VWA5B2: variants seen among roughly 807,000 people sequenced by gnomAD.
The protein encoded by VWA5B2 is von Willebrand factor A domain-containing protein 5B2.
A neutral mutation model predicts 118.5 loss-of-function variants in VWA5B2; 93 were observed. That is an observed-to-expected ratio of 0.79 (90% CI 0.66 to 0.93). The LOEUF (loss-of-function observed/expected upper bound fraction) is 0.93, where lower values mean the gene tolerates loss of function less well. Ranked by LOEUF, VWA5B2 falls within the 40% of genes least tolerant of loss-of-function variation. The probability of loss-of-function intolerance (pLI) is 0.00; values close to 1 mark genes in which losing one functional copy is unlikely to be tolerated. For missense variants in VWA5B2, 1,546 were observed against 1,672.8 expected (o/e 0.92, Z 1.32); for synonymous variants, 708 against 716.3 (o/e 0.99, Z 0.19).
rs1717171841 is a variant in VWA5B2, at chr3:184,229,668, C to A, written c.-195C>A. 6.6e-6 allele frequency among the ~76,000 whole-genome samples: 1 copy of A among 152,148 alleles called. No homozygotes were observed. Among genetic ancestry groups the A allele is most frequent in the African/African-American group, 2.4e-5 (1 of 41,434 alleles). On this transcript the variant is annotated 5_prime_UTR_variant, in exon 1 of 20. Coordinates refer to ENST00000691901, the MANE Select transcript of VWA5B2 (RefSeq NM_001390846.1). ...ACCCGGAGCGCAGAGGCGGCACCAC[C>A]CACACGGATCCCGTGGGCACCTAGA...
chr3:184,240,112 A>G, intron 16 of VWA5B2, 76 bp downstream of exon 16: 1 of 1,156,574 alleles, frequency 8.6e-7, no homozygotes, highest in Non-Finnish European at 1.2e-6. Flanking sequence ...TGTGTGTTTG[A>G]TCACTCTCTA....
At chr3:184,230,336 AC>A (rs1717250682) in intron 1 of VWA5B2, 43 bp from the exon 2 acceptor site, 2 of 610,100 alleles carry the variant, frequency 3.3e-6, no homozygotes, top group African/African-American at 3.9e-5. Flanking sequence ...CCTCGCCACC[AC>A]GCCTGCCGCC....
intron 11 of VWA5B2, 116 bp downstream of exon 11, chr3:184,236,865 C>A: frequency 1.1e-6 from 1 of 875,166 alleles, no homozygotes. Flanking sequence ...CCTCACCAGG[C>A]CTTCTCCCCA....
chr3:184,242,029 G>GA lies in VWA5B2; in HGVS notation c.3722dup (p.Asn1241LysfsTer34). ...TACACCTGCTGTGCTACAGCCCAGCGAACGTGTGAAGGCTGCCCCCTGCTG... is the reference window on the plus strand; with the variant it reads ...TACACCTGCTGTGCTACAGCCCAGCGAAACGTGTGAAGGCTGCCCCCTGCTG... On this transcript the variant is annotated frameshift_variant, in exon 20 of 20. Coordinates refer to ENST00000691901, the MANE Select transcript of VWA5B2 (RefSeq NM_001390846.1). LOFTEE classifies it high-confidence loss of function. 1 of 1,549,420 alleles carries GA rather than the reference G, an allele frequency of 6.5e-7. No individual in the cohort carries two copies. The highest frequency in any genetic ancestry group is 8.7e-7 in the Non-Finnish European group (1 of 1,146,954).
In VWA5B2 at chr3:184,237,480, C is replaced by T. The variant is rs1240181197; in HGVS notation, c.1719+69C>T. The stretch of plus-strand genomic sequence containing the variant: ...GGGGGGCCTGGGATGGCTGAAGTCC[C>T]CGCATCTCTTCCAAACCCTTTTTCC... On this transcript the variant is annotated intron_variant, in intron 12 of 19. Coordinates refer to ENST00000691901, the MANE Select transcript of VWA5B2 (RefSeq NM_001390846.1). This position sits in a 1 kb window ranked among gnomAD's most constrained non-coding sequence, Gnocchi z 5.6. The T allele has an allele frequency of 2.1e-6, 3 of 1,448,468 alleles. 1 individual carries two copies. The Admixed American group carries it at 6.4e-5, about 31-fold the overall frequency. The allele number at this position is 1,448,468 out of a possible 1,614,324, so 89.7% of individuals were successfully genotyped here.
At position 184,241,143 on chromosome 3, in the gene VWA5B2, T is replaced by G; in HGVS notation, c.2962+36T>G. 6.4e-7 allele frequency: 1 copy of G among 1,551,564 alleles called. No homozygotes were observed. Among genetic ancestry groups the G allele is most frequent in the Non-Finnish European group, 8.7e-7 (1 of 1,146,938 alleles). ...AAGGTAGGGAAAGGGTAGGGGCACT[T>G]GGGCTTAGAGACCGCCCCCTGGCAC... On this transcript the variant is annotated intron_variant, in intron 18 of 19. Coordinates refer to ENST00000691901, the MANE Select transcript of VWA5B2 (RefSeq NM_001390846.1). This position sits in a 1 kb window ranked among gnomAD's most constrained non-coding sequence, Gnocchi z 5.1.
rs895957396 is a variant in VWA5B2, at chr3:184,230,926, C to T, written c.310+9C>T. On this transcript the variant is annotated intron_variant, in intron 3 of 19. Coordinates refer to ENST00000691901, the MANE Select transcript of VWA5B2 (RefSeq NM_001390846.1). Reference sequence around the variant, plus strand: ...CCGCCGCTGCGCGCAGGGTGAGTTCCGCGCGCCCGCACCCGCGCTCCTGAA... The same window carrying T: ...CCGCCGCTGCGCGCAGGGTGAGTTCTGCGCGCCCGCACCCGCGCTCCTGAA... 1.9e-5 allele frequency: 23 copies of T among 1,212,332 alleles called. No homozygotes were observed. The African/African-American group carries it at 3.6e-4, about 19-fold the overall frequency. The allele number at this position is 1,212,332 out of a possible 1,614,324, so 75.1% of individuals were successfully genotyped here.
intron 3 of VWA5B2, among the ~76,000 whole-genome samples, chr3:184,232,105 G>A (rs1288246689): frequency 2.6e-5 from 4 of 152,172 alleles, no homozygotes; most frequent in Non-Finnish European, 5.9e-5. Flanking sequence ...CCCAAGTAGT[G>A]GGTAATGCAG....
chr3:184,241,567 C>T lies in VWA5B2; in HGVS notation c.3258C>T (p.Arg1086=). Residue 1086 remains arginine (R), a synonymous_variant, in exon 20 of 20, where the codon CGC becomes CGT. Coordinates refer to ENST00000691901, the MANE Select transcript of VWA5B2 (RefSeq NM_001390846.1). The surrounding 1 kb of genome is among the most constrained non-coding windows in gnomAD (Gnocchi z 5.1). ...CCGCTGTGCGCATCTCGCAGGAGCG[C>T]CTCTGCCGTGCCTCGCCCTTTGCCG... is the stretch of plus-strand genomic sequence containing the variant. ...FCAAVRISQE[R]LCRASPFAVH... is the part of the protein sequence containing the mutation. 6.5e-7 allele frequency: 1 copy of T among 1,548,714 alleles called. No homozygotes were observed.
chr3:184,241,084 T>C lies in VWA5B2; in HGVS notation c.2939T>C (p.Leu980Pro). ...ASHSHLDAAP[L>P]PTVVYSKGLQ... Reference sequence around the variant, plus strand: ...CACAGCCATCTAGATGCAGCTCCTCTGCCCACTGTTGTCTACTCTAAAGGT... The same window carrying C: ...CACAGCCATCTAGATGCAGCTCCTCCGCCCACTGTTGTCTACTCTAAAGGT... The change falls in exon 18 of 20, where the codon CTG becomes CCG. Residue 980 changes from leucine to proline, a missense_variant. By Grantham distance (98) the Leu-to-Pro change is moderately conservative (BLOSUM62 -3). This residue lies in a region of VWA5B2 where 763 missense variants were observed against 766.6 expected (regional missense o/e 1.00). Transcript: ENST00000691901. The surrounding 1 kb of genome is among the most constrained non-coding windows in gnomAD (Gnocchi z 5.1). 1.3e-6 allele frequency: 2 copies of C among 1,551,748 alleles called. No individual in the cohort carries two copies. Among genetic ancestry groups the C allele is most frequent in the East Asian group, 2.4e-5 (1 of 40,926 alleles).
chr3:184,234,605 G>A, intron 6 of VWA5B2, 26 bp from the exon 7 acceptor site: 1 of 1,549,346 alleles, frequency 6.5e-7, no homozygotes, highest in Non-Finnish European at 8.7e-7. Flanking sequence ...GGCCTTCCTT[G>A]ACAGAATTGT....
chr3:184,235,071 G>A (rs1481818821), intron 7 of VWA5B2, 82 bp from the exon 8 acceptor site: 17 of 1,468,862 alleles, frequency 1.2e-5, no homozygotes, highest in African/African-American at 8.5e-5. Context: ...ACAGAAAAAG[G>A]CCCCAGAGCC....
At position 184,240,945 on chromosome 3, in the gene VWA5B2, G is replaced by A; in HGVS notation, c.2878+17G>A. 6.4e-7 allele frequency: 1 copy of A among 1,551,520 alleles called. No individual in the cohort carries two copies. The highest frequency in any genetic ancestry group is 8.7e-7 in the Non-Finnish European group (1 of 1,146,936). On this transcript the variant is annotated intron_variant, in intron 17 of 19. Transcript: ENST00000691901. ...GCAGCTCAGGTAGGGGCCTCTTCTGGTGACCTCTCAGGTGCAGCTCTCACC... is the reference window on the plus strand; with the variant it reads ...GCAGCTCAGGTAGGGGCCTCTTCTGATGACCTCTCAGGTGCAGCTCTCACC...
In VWA5B2 at chr3:184,238,620, C is replaced by A; in HGVS notation, c.1949C>A (p.Ala650Asp). 1 of 1,551,998 alleles carries A rather than the reference C, an allele frequency of 6.4e-7. No homozygotes were observed. The change falls in exon 14 of 20, where the codon GCC (alanine) becomes GAC (aspartate). Residue 650 changes from alanine to aspartate, a missense_variant. This residue lies in a region of VWA5B2 where 775 missense variants were observed against 882.3 expected (regional missense o/e 0.88). Transcript: ENST00000691901. The surrounding 1 kb of genome is among the most constrained non-coding windows in gnomAD (Gnocchi z 5.0). ...TDPGPNPSDTAIWRRIFQSSY... is the reference protein window; with the variant it reads ...TDPGPNPSDTDIWRRIFQSSY... ...CCTGGACCCAACCCCTCTGACACAGCCATATGGCGCCGCATCTTTCAGTCC... is the reference window on the plus strand; with the variant it reads ...CCTGGACCCAACCCCTCTGACACAGACATATGGCGCCGCATCTTTCAGTCC...
chr3:184,233,566 T>A lies in VWA5B2; in HGVS notation c.531-10T>A, dbSNP rs554215002. ...AGTGGCCCAGTGACCCTCCTCATGC[T>A]CCCTTCCAGCCCCACCAGCTGCTTC... On this transcript the variant is annotated splice_polypyrimidine_tract_variant and intron_variant, in intron 4 of 19. Transcript: ENST00000691901. The surrounding 1 kb of genome is among the most constrained non-coding windows in gnomAD (Gnocchi z 5.2). 1.0e-4 allele frequency: 155 copies of A among 1,548,860 alleles called. No homozygotes were observed. The highest frequency in any genetic ancestry group is 1.3e-4 in the Non-Finnish European group (154 of 1,145,906).
chr3:184,236,515 C>G lies in VWA5B2; in HGVS notation c.1385C>G (p.Thr462Ser). The G allele has an allele frequency of 6.5e-7, 1 of 1,549,098 alleles. No homozygotes were observed. The highest frequency in any genetic ancestry group is 8.7e-7 in the Non-Finnish European group (1 of 1,146,992). The change falls in exon 10 of 20, where the codon ACC becomes AGC. Residue 462 changes from threonine to serine, a missense_variant. Transcript: ENST00000691901. ...CCCATGGCCGCCACTACCCACCGAA[C>G]CCTGGAGCTCATGAGGTGGCACAGG... Reference protein sequence around the residue: ...ASPMAATTHRTLELMRWHRGT... With the variant: ...ASPMAATTHRSLELMRWHRGT...
intron 7 of VWA5B2, 176 bp downstream of exon 7, chr3:184,234,931 A>G: frequency 8.7e-7 from 1 of 1,151,770 alleles, no homozygotes. Context: ...TGGAGGGCCG[A>G]TGTGAATCTC....
chr3:184,234,943 C>G (rs1717814968), intron 7 of VWA5B2, 188 bp downstream of exon 7: 1 of 1,117,128 alleles, frequency 9.0e-7, no homozygotes, highest in African/African-American at 1.6e-5. Context: ...GTGAATCTCT[C>G]TGGGGTGTGT....
At chr3:184,235,852 A>G (rs1369798095) in intron 8 of VWA5B2, among the ~76,000 whole-genome samples, 3 of 151,726 alleles carry the variant, frequency 2.0e-5, no homozygotes, top group African/African-American at 7.3e-5. Context: ...AGAGTCCCAC[A>G]CACAGTCATG....
Sources: allele counts gnomAD v4.1 joint callset (sites outside exome capture counted in the v4.1 genomes callset), GRCh38; gene constraint gnomAD v4.1.1; regional missense constraint gnomAD v4.1.1; non-coding constraint Gnocchi (gnomAD v3.1); transcripts MANE v1.5; gene names NCBI Gene and HGNC (gene_info 2026-07-23, HGNC 2026-07-21).